Variants in IWS1 observed in about 807,000 individuals in gnomAD.
IWS1 encodes interacts with SUPT6H, CTD assembly factor 1.
Under a neutral mutation model 86.7 loss-of-function variants are expected in IWS1, and 27 were observed. The ratio of observed to expected loss-of-function variants is 0.31; its 90% CI spans 0.23 to 0.43. The LOEUF is 0.43. Among genes scored for constraint, IWS1 ranks in the 20% least tolerant of loss-of-function variants. The probability of loss-of-function intolerance (pLI) is 1.00; values close to 1 mark genes in which losing one functional copy is unlikely to be tolerated. For missense variants in IWS1, 827 were observed against 1,000.8 expected (o/e 0.83, Z 2.34); for synonymous variants, 313 against 335.1 (o/e 0.93, Z 0.72).
At position 127,504,669 on chromosome 2, in the gene IWS1, A is replaced by G; in HGVS notation, c.1219+15T>C. 1 of 1,562,068 alleles carries G rather than the reference A, an allele frequency of 6.4e-7. No homozygotes were observed. On this transcript the variant is annotated intron_variant, in intron 3 of 13. Transcript: ENST00000295321. ...GAATAAAGCCATTGATAAACAGCCC[A>G]AGGTAACTCCTTACATGCTTTCTCT...
intron 6 of IWS1, 72 bp downstream of exon 6, chr2:127,498,067 CA>C: frequency 8.4e-7 from 1 of 1,194,282 alleles, no homozygotes; most frequent in Non-Finnish European, 1.2e-6. Flanking sequence ...AAATGAAAAA[CA>C]AAAGAGAGTT....
chr2:127,491,535 C>T (rs771349464), intron 10 of IWS1, among the ~76,000 whole-genome samples: 2 of 152,190 alleles, frequency 1.3e-5, no homozygotes, highest in Non-Finnish European at 2.9e-5. Context: ...CCTCCGCCTC[C>T]CGGGTTCAAG....
intron 5 of IWS1, chr2:127,498,942 T>C (rs1690652533): frequency 6.6e-6 from 1 of 152,210 alleles, no homozygotes; most frequent in African/African-American, 2.4e-5. Flanking sequence ...TGCCCATTTT[T>C]TGCTGGACTG....
Position 127,504,936 on chromosome 2 carries a change from G to A in IWS1, c.967C>T (p.His323Tyr), listed in dbSNP as rs753798068. The change falls in exon 3 of 14, where the codon CAC (histidine) becomes TAC (tyrosine). Residue 323 changes from histidine (H) to tyrosine (Y), a missense_variant. Transcript: ENST00000295321. The part of the protein sequence containing the change: ...SDSETEDASR[H>Y]KQKPESDDDS... Reference sequence around the variant, plus strand: ...TCATCTGACTCTGGCTTCTGTTTGTGTCTGGACGCATCCTCAGTTTCTGAG... The same window carrying A: ...TCATCTGACTCTGGCTTCTGTTTGTATCTGGACGCATCCTCAGTTTCTGAG... 1 of 1,614,158 alleles carries A rather than the reference G, an allele frequency of 6.2e-7. No individual in the cohort carries two copies. The highest frequency in any genetic ancestry group is 8.5e-7 in the Non-Finnish European group (1 of 1,180,020).
At chr2:127,506,953 C>G (rs1691180683) in intron 2 of IWS1, among the ~76,000 whole-genome samples, 1 of 152,168 alleles carries the variant, frequency 6.6e-6, no homozygotes, top group Non-Finnish European at 1.5e-5. Flanking sequence ...GGTAGCTCAA[C>G]TTTAAATAAC....
chr2:127,484,234 C>G (rs1251151867), intron 13 of IWS1, among the ~76,000 whole-genome samples: 3 of 152,194 alleles, frequency 2.0e-5, no homozygotes, highest in African/African-American at 7.2e-5. Flanking sequence ...ATGGTGTGAA[C>G]CCGGGAGGCA....
Position 127,499,004 on chromosome 2 carries a change from C to A in IWS1, c.1468-767G>T, listed in dbSNP as rs541168088. 1.3e-5 allele frequency among the ~76,000 whole-genome samples: 2 copies of A among 152,202 alleles called. No homozygotes were observed. The highest frequency in any genetic ancestry group is 3.9e-4 in the East Asian group (2 of 5,180). On this transcript the variant is annotated intron_variant, in intron 5 of 13. Coordinates refer to ENST00000295321, the MANE Select transcript of IWS1 (RefSeq NM_017969.3). The surrounding 1 kb of genome is among the most constrained non-coding windows in gnomAD (Gnocchi z 4.0). ...AATCTCTTTGAAAATTAGATATAGC[C>A]CCCTACAAGTGACAGGAACTGTACA... is the stretch of plus-strand genomic sequence containing the variant.
chr2:127,508,280 T>A (rs1251899194), intron 2 of IWS1, among the ~76,000 whole-genome samples: 1 of 152,158 alleles, frequency 6.6e-6, no homozygotes, highest in African/African-American at 2.4e-5. Flanking sequence ...TAGTGTGACA[T>A]GCACTATTCA....
At chr2:127,501,984 T>C (rs1306895605) in intron 5 of IWS1, among the ~76,000 whole-genome samples, 2 of 152,248 alleles carry the variant, frequency 1.3e-5, no homozygotes, top group Non-Finnish European at 2.9e-5. Context: ...CCTGAACATA[T>C]TTAAGGTGGT....
At chr2:127,484,128 A>C (rs1273832989) in intron 13 of IWS1, among the ~76,000 whole-genome samples, 2 of 152,042 alleles carry the variant, frequency 1.3e-5, no homozygotes, top group African/African-American at 4.8e-5. Context: ...ACACAGTGAA[A>C]CCCCATCTCT....
At chr2:127,483,591 T>TGGGGGGGGGGGG (rs1187157658) in intron 13 of IWS1, among the ~76,000 whole-genome samples, 2 of 17,520 alleles carry the variant, frequency 1.1e-4, no homozygotes, top group Non-Finnish European at 2.0e-4. Context: ...GGTGGTGGGG[T>TGGGGGGGGGGGG]GGGGGGGTTG....
chr2:127,519,992 C>A (rs13026187), intron 2 of IWS1, among the ~76,000 whole-genome samples: 76,968 of 152,016 alleles, frequency 0.51, 21,326 homozygotes, highest in Admixed American at 0.66. Flanking sequence ...AAGAACACAG[C>A]CCTGGGACAC....
chr2:127,513,433 C>T (rs561833806), intron 2 of IWS1, among the ~76,000 whole-genome samples: 37 of 152,204 alleles, frequency 2.4e-4, no homozygotes, highest in African/African-American at 8.4e-4. Context: ...ATCTAAACTG[C>T]AATACCTTTT....
At chr2:127,508,720 T>C (rs1312418492) in intron 2 of IWS1, among the ~76,000 whole-genome samples, 1 of 152,060 alleles carries the variant, frequency 6.6e-6, no homozygotes, top group Non-Finnish European at 1.5e-5. Flanking sequence ...TTTACTAGAG[T>C]ACCATCAGTA....
At chr2:127,484,474 G>A (rs1013038487) in intron 13 of IWS1, 7 of 151,872 alleles carry the variant, frequency 4.6e-5, no homozygotes, top group Non-Finnish European at 7.4e-5. Context: ...GCTCATTAGC[G>A]TCTACAATGT....
intron 2 of IWS1, among the ~76,000 whole-genome samples, chr2:127,509,801 C>G (rs1176300754): frequency 6.6e-6 from 1 of 151,370 alleles, no homozygotes; most frequent in Non-Finnish European, 1.5e-5. Context: ...ACTGGTTATC[C>G]ATCATAATAA....
Position 127,489,838 on chromosome 2 carries a change from A to T in IWS1, c.2153T>A (p.Met718Lys). 2 of 1,579,660 alleles carry T rather than the reference A, an allele frequency of 1.3e-6. No individual in the cohort carries two copies. The highest frequency in any genetic ancestry group is 1.3e-5 in the African/African-American group (1 of 74,340). Residue 718 changes from methionine (M) to lysine (K), a missense_variant, in exon 11 of 14, where the codon ATG becomes AAG. Physicochemically the swap from Met to Lys is moderately conservative, Grantham distance 95. Transcript: ENST00000295321. This position sits in a 1 kb window ranked among gnomAD's most constrained non-coding sequence, Gnocchi z 4.8. ...DLEQMPQRRR[M>K]NSTGGQTPRR... Reference sequence around the variant, plus strand: ...CATACCTGTTCCCTCATACCTGTTCATTCTTCGTCGTTGAGGCATCTGTTC... The same window carrying T: ...CATACCTGTTCCCTCATACCTGTTCTTTCTTCGTCGTTGAGGCATCTGTTC...
intron 5 of IWS1, among the ~76,000 whole-genome samples, chr2:127,500,346 GATT>G (rs532812429): frequency 7.8e-4 from 119 of 152,230 alleles, no homozygotes; most frequent in Non-Finnish European, 1.4e-3. Flanking sequence ...ATTTCTCTTA[GATT>G]ATGGACTTGT....
At chr2:127,503,751 A>G (rs1212739685) in intron 3 of IWS1, among the ~76,000 whole-genome samples, 175 bp from the exon 4 acceptor site, 1 of 152,112 alleles carries the variant, frequency 6.6e-6, no homozygotes, top group Non-Finnish European at 1.5e-5. Context: ...AGAATTTTTA[A>G]AATAACTAAA....
Sources: allele counts gnomAD v4.1 joint callset (sites outside exome capture counted in the v4.1 genomes callset), GRCh38; gene constraint gnomAD v4.1.1; non-coding constraint Gnocchi (gnomAD v3.1); transcripts MANE v1.5; gene names NCBI Gene and HGNC (gene_info 2026-07-23, HGNC 2026-07-21).